The following RGL3 variants were observed in gnomAD, a reference collection of about 807,000 sequenced individuals.
RGL3 encodes the protein ral guanine nucleotide dissociation stimulator like 3.
A neutral mutation model predicts 90.6 loss-of-function variants in RGL3; 85 were observed. That is an observed-to-expected ratio of 0.94 (90% CI 0.79 to 1.12). The LOEUF is 1.12. Ranked by LOEUF, RGL3 falls within the 50% of genes most tolerant of loss-of-function variation. The pLI is 0.00. For missense variants in RGL3, 1,034 were observed against 939.2 expected (o/e 1.10, Z -1.32); for synonymous variants, 408 against 385.5 (o/e 1.06, Z -0.68).
At chr19:11,406,955 A>C in intron 5 of RGL3, 91 bp from the exon 6 acceptor site, 2 of 1,295,280 alleles carry the variant, frequency 1.5e-6, no homozygotes, top group Non-Finnish European at 2.1e-6. Context: ...TCTGAGGCTC[A>C]CTTTCCTCAT....
chr19:11,402,171 C>A (rs748284804), intron 12 of RGL3, 39 bp from the exon 13 acceptor site: 2 of 1,595,064 alleles, frequency 1.3e-6, no homozygotes, highest in Admixed American at 1.7e-5. Context: ...CCTGCCCCAC[C>A]CCCACCCTCA....
At chr19:11,405,286 T>C in intron 8 of RGL3, 37 bp downstream of exon 8, 4 of 1,611,864 alleles carry the variant, frequency 2.5e-6, no homozygotes, top group Non-Finnish European at 3.4e-6. Context: ...GGGTCAGACC[T>C]GGGATGGGCT....
In RGL3 at chr19:11,394,431, G is replaced by C. The variant is rs371618875; in HGVS notation, c.2104C>G (p.Arg702Gly). The C allele has an allele frequency of 1.9e-6, 3 of 1,613,796 alleles. No homozygotes were observed. The highest frequency in any genetic ancestry group is 2.2e-5 in the East Asian group (1 of 44,878). Residue 702 changes from arginine (R) to glycine (G), a missense_variant, in exon 19 of 19, where the codon CGG becomes GGG. Physicochemically the swap from Arg to Gly is moderately radical, Grantham distance 125 (BLOSUM62 -2). Coordinates refer to ENST00000380456, the MANE Select transcript of RGL3 (RefSeq NM_001035223.4). ...DFMLRRKEGT[R>G]NTLSVSPS The stretch of plus-strand genomic sequence containing the variant: ...CTTGGGGAGACAGACAGAGTGTTCC[G>C]GGTCCCCTCTTTCCGCCGCAGCATG...
Position 11,397,550 on chromosome 19 carries a change from A to C in RGL3, c.1794T>G (p.Pro598=). The change falls in exon 17 of 19, where the codon CCT becomes CCG. Residue 598 remains proline (P), a synonymous_variant. Transcript: ENST00000380456. The part of the protein sequence containing the change: ...DLPSPRPFAL[P]LGSPRIPLPA... ...GGAGGGGGATTCGAGGGCTGCCCAG[A>C]GGCAAAGCGAAGGGCCGGGGGCTGG... 6.2e-7 allele frequency: 1 copy of C among 1,606,370 alleles called. No individual in the cohort carries two copies. Among genetic ancestry groups the C allele is most frequent in the Non-Finnish European group, 8.5e-7 (1 of 1,176,068 alleles).
chr19:11,412,601 G>A (rs1272969752), intron 5 of RGL3, among the ~76,000 whole-genome samples: 3 of 151,998 alleles, frequency 2.0e-5, no homozygotes, highest in African/African-American at 7.2e-5. Flanking sequence ...TCAGGAGGCT[G>A]AGGTAGGAGG....
chr19:11,394,744 C>T, intron 18 of RGL3: 1 of 496,936 alleles, frequency 2.0e-6, no homozygotes, highest in South Asian at 2.1e-5. Flanking sequence ...GCCTGGGCAA[C>T]CTCCTAATAT....
intron 5 of RGL3, among the ~76,000 whole-genome samples, chr19:11,409,276 C>T (rs972750132): frequency 1.1e-4 from 16 of 151,964 alleles, no homozygotes; most frequent in African/African-American, 2.7e-4. Flanking sequence ...GTCAGGAGAT[C>T]GAGACCATCC....
Position 11,399,933 on chromosome 19 carries a change from G to A in RGL3, c.1668C>T (p.Pro556=). The change falls in exon 16 of 19, where the codon CCC becomes CCT. Residue 556 remains proline (P), a synonymous_variant. Coordinates refer to ENST00000380456, the MANE Select transcript of RGL3 (RefSeq NM_001035223.4). The stretch of plus-strand genomic sequence containing the variant: ...CATCTCTGCTTCTAGGACTTGAGGG[G>A]GGTGACCCTGGGGACACACTGGGGG... ...SPTSSVSPGS[P]PSSPRSRDAP... is the part of the protein sequence containing the mutation. 6.5e-7 allele frequency: 1 copy of A among 1,545,040 alleles called. No homozygotes were observed. The highest frequency in any genetic ancestry group is 8.7e-7 in the Non-Finnish European group (1 of 1,153,594).
intron 5 of RGL3, among the ~76,000 whole-genome samples, chr19:11,409,135 C>T (rs900962759): frequency 6.7e-6 from 1 of 149,072 alleles, no homozygotes; most frequent in African/African-American, 2.5e-5. Flanking sequence ...GTCCACGCCA[C>T]GGCACTCTAG....
rs760797237 is a variant in RGL3 at position 11,406,824 on chromosome 19, T to C, written c.678A>G (p.Ser226=). 1.3e-6 allele frequency: 2 copies of C among 1,591,318 alleles called. No individual in the cohort carries two copies. Among genetic ancestry groups the C allele is most frequent in the African/African-American group, 2.7e-5 (2 of 74,762 alleles). The stretch of plus-strand genomic sequence containing the variant: ...CTTCCTCTTCCTCCGCGCAGGCCTC[T>C]GAAGAGTCTGGGTCAGAAGTTTGGG... ...RVAQTSDPDS[S]EACAEEEEGL... Residue 226 remains serine, a synonymous_variant, in exon 6 of 19, where the codon TCA becomes TCG. Transcript: ENST00000380456.
In RGL3 at chr19:11,397,559, G is replaced by A. The variant is rs1968599348; in HGVS notation, c.1785C>T (p.Phe595=). The change falls in exon 17 of 19, where the codon TTC becomes TTT. Residue 595 remains phenylalanine, a synonymous_variant. Coordinates refer to ENST00000380456, the MANE Select transcript of RGL3 (RefSeq NM_001035223.4). The part of the protein sequence containing the change: ...LSLDLPSPRP[F]ALPLGSPRIP... The stretch of plus-strand genomic sequence containing the variant: ...TTCGAGGGCTGCCCAGAGGCAAAGC[G>A]AAGGGCCGGGGGCTGGGCAGGTCCA... 1.9e-6 allele frequency: 3 copies of A among 1,596,790 alleles called. No homozygotes were observed. Among genetic ancestry groups the A allele is most frequent in the South Asian group, 1.1e-5 (1 of 89,662 alleles).
chr19:11,410,421 C>T (rs184573251), intron 5 of RGL3, among the ~76,000 whole-genome samples: 36 of 152,128 alleles, frequency 2.4e-4, no homozygotes, highest in African/African-American at 7.7e-4. Flanking sequence ...GCTGGGCACA[C>T]CTATAGTCCC....
chr19:11,395,105 AC>A (rs1968542419), intron 18 of RGL3, among the ~76,000 whole-genome samples: 1 of 151,264 alleles, frequency 6.6e-6, no homozygotes, highest in African/African-American at 2.4e-5. Flanking sequence ...AAAAAAAAAA[AC>A]AAAAACAAAC....
intron 2 of RGL3, among the ~76,000 whole-genome samples, chr19:11,417,825 T>C (rs1262610328): frequency 6.6e-6 from 1 of 151,898 alleles, no homozygotes; most frequent in African/African-American, 2.4e-5. Flanking sequence ...GGAGTTATTG[T>C]TTTGGTTTGT....
rs967573639 is a variant in RGL3 at position 11,397,235 on chromosome 19, C to G, written c.2014+9G>C. On this transcript the variant is annotated intron_variant, in intron 18 of 18. Coordinates refer to ENST00000380456, the MANE Select transcript of RGL3 (RefSeq NM_001035223.4). Reference sequence around the variant, plus strand: ...CCCCTATCCTGAGCTCCAACCCATCCCTGCTCACCCCGGTCCCCAGGAAGG... The same window carrying G: ...CCCCTATCCTGAGCTCCAACCCATCGCTGCTCACCCCGGTCCCCAGGAAGG... 6.2e-7 allele frequency: 1 copy of G among 1,612,222 alleles called. No homozygotes were observed. The highest frequency in any genetic ancestry group is 8.5e-7 in the Non-Finnish European group (1 of 1,178,690).
chr19:11,414,636 C>T (rs1036411380), intron 5 of RGL3, among the ~76,000 whole-genome samples: 1 of 148,364 alleles, frequency 6.7e-6, no homozygotes, highest in Non-Finnish European at 1.5e-5. Flanking sequence ...GGAGATTAAG[C>T]GATGGGGATT....
At position 11,405,394 on chromosome 19, in the gene RGL3, C is replaced by T. The variant is rs1968757243; in HGVS notation, c.1029G>A (p.Leu343=). Residue 343 remains leucine (L), a synonymous_variant, in exon 8 of 19, where the codon TTG becomes TTA. Transcript: ENST00000380456. ...ATTGCAGGGCGGACAGGATGGCGCG[C>T]AAGGAGGAGAAGTTCCGCAGTTCTC... is the stretch of plus-strand genomic sequence containing the variant. ...RCRELRNFSS[L]RAILSALQSN... 1 of 1,600,144 alleles carries T rather than the reference C, an allele frequency of 6.2e-7. No individual in the cohort carries two copies. The highest frequency in any genetic ancestry group is 1.4e-5 in the African/African-American group (1 of 73,988).
chr19:11,405,314 C>G lies in RGL3; in HGVS notation c.1100+9G>C, dbSNP rs1381300449. On this transcript the variant is annotated intron_variant, in intron 8 of 18. Transcript: ENST00000380456. ...GATGGGCTGGGGAACAGGTCCCGCC[C>G]CAGCTCACCGGCTCACTGCCCCCCA... 2 of 1,613,432 alleles carry G rather than the reference C, an allele frequency of 1.2e-6. No individual in the cohort carries two copies. Among genetic ancestry groups the G allele is most frequent in the Non-Finnish European group, 1.7e-6 (2 of 1,179,690 alleles).
chr19:11,413,415 A>G (rs936425711), intron 5 of RGL3, among the ~76,000 whole-genome samples: 4 of 150,920 alleles, frequency 2.7e-5, no homozygotes, highest in Admixed American at 6.6e-5. Flanking sequence ...GGTGCCTATA[A>G]TCCCAGCTAC....
Sources: allele counts gnomAD v4.1 joint callset (sites outside exome capture counted in the v4.1 genomes callset), GRCh38; gene constraint gnomAD v4.1.1; transcripts MANE v1.5; gene names NCBI Gene and HGNC (gene_info 2026-07-23, HGNC 2026-07-21).